DPY19L1: variants seen among roughly 807,000 people sequenced by gnomAD.
DPY19L1 encodes the protein protein C-mannosyl-transferase DPY19L1.
Under a neutral mutation model 96.9 loss-of-function variants are expected in DPY19L1, and 35 were observed. The observed-to-expected ratio is 0.36, with a 90% confidence interval of 0.28 to 0.48. DPY19L1 has a LOEUF of 0.48. Ranked by LOEUF, DPY19L1 falls within the 20% of genes least tolerant of loss-of-function variation. The probability of loss-of-function intolerance (pLI) is 0.99; values close to 1 mark genes in which losing one functional copy is unlikely to be tolerated. For missense variants in DPY19L1, 521 were observed against 777.9 expected, an observed-to-expected ratio of 0.67 and a Z score of 3.93; for synonymous variants, 205 against 252.6, an observed-to-expected ratio of 0.81 and a Z score of 1.79.
At chr7:34,960,554 TACAA>T (rs1436320135) in intron 10 of DPY19L1, among the ~76,000 whole-genome samples, 5 of 152,180 alleles carry the variant, frequency 3.3e-5, no homozygotes, top group African/African-American at 9.6e-5. Context: ...TGATATCAAC[TACAA>T]ACAATGATAT....
At chr7:35,008,961 C>T (rs1045302271) in intron 6 of DPY19L1, among the ~76,000 whole-genome samples, 1 of 152,194 alleles carries the variant, frequency 6.6e-6, no homozygotes, top group Non-Finnish European at 1.5e-5. Flanking sequence ...TTTGGTTTAA[C>T]TTATTTCCCT....
intron 1 of DPY19L1, among the ~76,000 whole-genome samples, chr7:35,021,443 T>C (rs984508537): frequency 2.0e-5 from 3 of 152,230 alleles, no homozygotes; most frequent in Non-Finnish European, 2.9e-5. Context: ...CCAGGGTCCA[T>C]TCATCATCTG....
rs191507216 is a variant in DPY19L1, at chr7:34,962,855, T to C, written c.1092+4039A>G. On this transcript the variant is annotated intron_variant, in intron 10 of 21. Transcript: ENST00000638088. The stretch of plus-strand genomic sequence containing the variant: ...CAATAGAGGGGTAGGTTGTGCATGG[T>C]TGGGGGCAGGGGGTATATGGGAACT... Among the ~76,000 whole-genome samples the C allele has an allele frequency of 6.2e-3, 942 of 152,110 alleles. 7 individuals carry two copies. Among genetic ancestry groups the C allele is most frequent in the African/African-American group, 0.021 (881 of 41,486 alleles).
rs1784028989 is a variant in DPY19L1 at position 34,941,994 on chromosome 7, A to G, written c.1570-110T>C. On this transcript the variant is annotated intron_variant, in intron 17 of 21. Coordinates refer to ENST00000638088, the MANE Select transcript of DPY19L1 (RefSeq NM_001366673.1). ...GTTCTCCTTAGTAACAAAAAATACT[A>G]CTAAGGTTTCTGAAACTTCGAAAAC... is the stretch of plus-strand genomic sequence containing the variant. The G allele has an allele frequency of 4.7e-5, 54 of 1,152,016 alleles. 2 individuals are homozygous for G. The South Asian group carries it at 9.2e-4, about 20-fold the overall frequency. 71.4% of individuals were successfully genotyped at this position (1,152,016 alleles called of 1,614,324 possible). A position where few individuals can be genotyped will look rare whatever the true frequency, so the allele number is the denominator to read the frequency against.
chr7:35,018,341 T>C (rs1785909364), intron 2 of DPY19L1, among the ~76,000 whole-genome samples: 1 of 152,204 alleles, frequency 6.6e-6, no homozygotes, highest in South Asian at 2.1e-4. Context: ...ATATTAATGT[T>C]GAGTGGAGTC....
intron 4 of DPY19L1, among the ~76,000 whole-genome samples, chr7:35,012,158 C>T (rs994315580): frequency 2.0e-5 from 3 of 152,210 alleles, no homozygotes; most frequent in Non-Finnish European, 4.4e-5. Context: ...GGGCAATCTG[C>T]ATCTGATGAC....
intron 6 of DPY19L1, among the ~76,000 whole-genome samples, chr7:35,006,473 C>A (rs1008024630): frequency 2.0e-5 from 3 of 152,182 alleles, no homozygotes; most frequent in Admixed American, 1.3e-4. Context: ...TGTCCAACAA[C>A]CAATGCTCCT....
Position 34,951,587 on chromosome 7 carries a change from T to C in DPY19L1, c.1321-1689A>G, listed in dbSNP as rs2128784781. 2.0e-5 allele frequency among the ~76,000 whole-genome samples: 3 copies of C among 152,026 alleles called. No individual in the cohort carries two copies. The South Asian group carries it at 6.2e-4, about 32-fold the overall frequency. ...AAGAAAATTTTAGCTTTAAAAGCAT[T>C]GATCAGAAAATAAGAGAGGTAAAAA... On this transcript the variant is annotated intron_variant, in intron 13 of 21. Transcript: ENST00000638088.
intron 7 of DPY19L1, among the ~76,000 whole-genome samples, chr7:34,977,404 TG>T (rs1332013761): frequency 6.6e-6 from 1 of 152,248 alleles, no homozygotes. Flanking sequence ...CAAAATTCGT[TG>T]CTTTTAATAG....
chr7:35,002,774 C>T lies in DPY19L1; in HGVS notation c.764+7694G>A, dbSNP rs1279834313. ...CATCTGAAGCAACCAACAATGTTCT[C>T]TTTTCTTCTTTTGAGACGGAGTCTT... On this transcript the variant is annotated intron_variant, in intron 6 of 21. Coordinates refer to ENST00000638088, the MANE Select transcript of DPY19L1 (RefSeq NM_001366673.1). Among the ~76,000 whole-genome samples, 19 of 152,108 alleles carry T rather than the reference C, an allele frequency of 1.2e-4. 1 individual carries two copies.
In DPY19L1 at chr7:35,017,860, G is replaced by A. The variant is rs187632587; in HGVS notation, c.411+22C>T. The A allele has an allele frequency of 5.6e-5, 85 of 1,529,950 alleles. No homozygotes were observed. In the East Asian group the frequency reaches 1.2e-3, roughly 22 times the overall value. 94.8% of individuals were successfully genotyped at this position (1,529,950 alleles called of 1,614,324 possible). A position where few individuals can be genotyped will look rare whatever the true frequency, so the allele number is the denominator to read the frequency against. On this transcript the variant is annotated intron_variant, in intron 3 of 21. Transcript: ENST00000638088. ...TTTTAAATTCCTAAAGTACTATGAT[G>A]AAATCCCAAATAAAAACTAACCATT...
chr7:34,983,666 G>T (rs1020973302), intron 7 of DPY19L1, among the ~76,000 whole-genome samples: 9 of 116,568 alleles, frequency 7.7e-5, no homozygotes, highest in African/African-American at 2.1e-4. Context: ...CCAAAGGGAG[G>T]AATAGAGAGA....
Position 34,941,777 on chromosome 7 carries a change from G to C in DPY19L1, c.1677C>G (p.Ile559Met), listed in dbSNP as rs778338555. The C allele has an allele frequency of 2.5e-6, 4 of 1,599,090 alleles. No individual in the cohort carries two copies. The highest frequency in any genetic ancestry group is 3.4e-6 in the Non-Finnish European group (4 of 1,176,368). Reference protein sequence around the residue: ...TPHMCVMASLICSRQLFGWLF... With the variant: ...TPHMCVMASLMCSRQLFGWLF... Reference sequence around the variant, plus strand: ...CATAACATGTTACCTGTCTTGAGCAGATCAGTGATGCCATAACACACATGT... The same window carrying C: ...CATAACATGTTACCTGTCTTGAGCACATCAGTGATGCCATAACACACATGT... Residue 559 changes from isoleucine to methionine, a missense_variant, in exon 18 of 22, where the codon ATC becomes ATG. Transcript: ENST00000638088.
chr7:34,981,046 G>C (rs1468564208), intron 7 of DPY19L1, among the ~76,000 whole-genome samples: 1 of 152,182 alleles, frequency 6.6e-6, no homozygotes, highest in Admixed American at 6.5e-5. Context: ...ACAGAGGTGA[G>C]CCTGCCTGGG....
intron 4 of DPY19L1, among the ~76,000 whole-genome samples, chr7:35,012,352 C>T (rs1296528459): frequency 6.6e-6 from 1 of 152,144 alleles, no homozygotes; most frequent in Non-Finnish European, 1.5e-5. Flanking sequence ...CAGGTGTTGG[C>T]CCTAAGGACA....
At chr7:34,977,362 G>C (rs1396195323) in intron 7 of DPY19L1, among the ~76,000 whole-genome samples, 1 of 152,092 alleles carries the variant, frequency 6.6e-6, no homozygotes, top group Admixed American at 6.5e-5. Flanking sequence ...CCCCACATTT[G>C]TTACCCACAT....
rs1783946296 is a variant in DPY19L1 at position 34,939,393 on chromosome 7, T to C, written c.1865-18A>G. 1 of 1,611,362 alleles carries C rather than the reference T, an allele frequency of 6.2e-7. No individual in the cohort carries two copies. The highest frequency in any genetic ancestry group is 1.3e-5 in the African/African-American group (1 of 74,858). On this transcript the variant is annotated intron_variant, in intron 19 of 21. Coordinates refer to ENST00000638088, the MANE Select transcript of DPY19L1 (RefSeq NM_001366673.1). The stretch of plus-strand genomic sequence containing the variant: ...CACTGCATCTGGAAGGCAAGAGGAA[T>C]GTCTCAGGAAGACACTCAGTGAAGG...
intron 6 of DPY19L1, among the ~76,000 whole-genome samples, chr7:34,991,472 T>C (rs1785166813): frequency 6.6e-6 from 1 of 152,190 alleles, no homozygotes; most frequent in Non-Finnish European, 1.5e-5. Flanking sequence ...GGCCAGGAAG[T>C]GGACGCCAGG....
intron 3 of DPY19L1, among the ~76,000 whole-genome samples, chr7:35,015,656 A>T (rs984897666): frequency 6.6e-6 from 1 of 152,248 alleles, no homozygotes; most frequent in African/African-American, 2.4e-5. Flanking sequence ...CTTGTTTATC[A>T]TATGATGAAG....
Sources: allele counts gnomAD v4.1 joint callset (sites outside exome capture counted in the v4.1 genomes callset), GRCh38; gene constraint gnomAD v4.1.1; transcripts MANE v1.5; gene names NCBI Gene and HGNC (gene_info 2026-07-23, HGNC 2026-07-21).